Variants in PDE4D observed in about 807,000 individuals in gnomAD.
The protein encoded by PDE4D is phosphodiesterase 4D, also known as 3',5'-cyclic-AMP phosphodiesterase 4D.
A neutral mutation model predicts 87.4 loss-of-function variants in PDE4D; 24 were observed. The ratio of observed to expected loss-of-function variants is 0.27; its 90% CI spans 0.20 to 0.39. The LOEUF is 0.39. PDE4D is among the 10% of genes least tolerant of loss of function. The pLI is 1.00. For missense variants in PDE4D, 714 were observed against 1,041.0 expected (o/e 0.69, Z 4.32); for synonymous variants, 384 against 383.2 (o/e 1.00, Z -0.02).
chr5:59,110,242 A>C (rs948333054), intron 5 of PDE4D, among the ~76,000 whole-genome samples: 2 of 152,176 alleles, frequency 1.3e-5, no homozygotes, highest in Non-Finnish European at 2.9e-5. Flanking sequence ...GAATCAGCTT[A>C]CTCAGAGGCT....
intron 1 of PDE4D, among the ~76,000 whole-genome samples, chr5:59,504,908 G>A (rs961799457): frequency 1.7e-5 from 1 of 60,484 alleles, no homozygotes; most frequent in African/African-American, 5.6e-5. Flanking sequence ...GTATATGTGT[G>A]TGTGTGTGTG....
chr5:59,154,518 T>C (rs1399610117), intron 5 of PDE4D, among the ~76,000 whole-genome samples: 1 of 152,136 alleles, frequency 6.6e-6, no homozygotes, highest in Non-Finnish European at 1.5e-5. Context: ...GGTGAGTGCT[T>C]GAACTAGGGA....
At chr5:59,087,204 G>A (rs1422722951) in intron 5 of PDE4D, among the ~76,000 whole-genome samples, 2 of 152,104 alleles carry the variant, frequency 1.3e-5, no homozygotes, top group African/African-American at 2.4e-5. Flanking sequence ...AAAAAATAAG[G>A]CCAGATGTGG....
intron 2 of PDE4D, among the ~76,000 whole-genome samples, chr5:59,211,662 T>C (rs547330820): frequency 1.1e-4 from 17 of 152,200 alleles, no homozygotes; most frequent in Admixed American, 2.6e-4. Context: ...CATAACAATG[T>C]CCCTATCAAA....
At chr5:60,080,366 C>T (rs1477806710) in intron 2 of PDE4D, among the ~76,000 whole-genome samples, 1 of 152,124 alleles carries the variant, frequency 6.6e-6, no homozygotes, top group African/African-American at 2.4e-5. Flanking sequence ...TTTGATCACC[C>T]TTTCTTTCTT....
chr5:59,932,416 T>A (rs1756067111), intron 3 of PDE4D, among the ~76,000 whole-genome samples: 1 of 152,222 alleles, frequency 6.6e-6, no homozygotes, highest in Non-Finnish European at 1.5e-5. Flanking sequence ...ACTAATTTCA[T>A]ATGCACCATT....
chr5:59,245,581 T>A (rs1046845055), intron 1 of PDE4D, among the ~76,000 whole-genome samples: 3 of 152,110 alleles, frequency 2.0e-5, no homozygotes, highest in Non-Finnish European at 4.4e-5. Flanking sequence ...TCTTACCAAA[T>A]CAAAAACTTC....
At chr5:59,393,385 A>G (rs1477393776) in intron 1 of PDE4D, among the ~76,000 whole-genome samples, 2 of 152,228 alleles carry the variant, frequency 1.3e-5, no homozygotes, top group Non-Finnish European at 2.9e-5. Flanking sequence ...GATAAAAGAG[A>G]TGATTCCCAA....
intron 1 of PDE4D, chr5:59,560,876 T>G (rs1819861968): frequency 6.6e-6 from 1 of 152,204 alleles, no homozygotes; most frequent in Non-Finnish European, 1.5e-5. Context: ...AAAGGTCTTG[T>G]TGGAGAGTTT....
chr5:60,308,050 A>G (rs762697206), intron 1 of PDE4D, among the ~76,000 whole-genome samples: 4 of 152,190 alleles, frequency 2.6e-5, no homozygotes, highest in Non-Finnish European at 5.9e-5. Context: ...AAAACAAAAC[A>G]AAACAAAACA....
chr5:59,721,647 C>T (rs966789817), intron 1 of PDE4D, among the ~76,000 whole-genome samples: 14 of 151,944 alleles, frequency 9.2e-5, no homozygotes, highest in African/African-American at 3.4e-4. Context: ...TACCCTGCCC[C>T]CTAAAAATGC....
intron 1 of PDE4D, among the ~76,000 whole-genome samples, chr5:60,515,648 A>G (rs1168961216): frequency 1.4e-5 from 2 of 142,480 alleles, no homozygotes; most frequent in Non-Finnish European, 3.0e-5. Context: ...GCAGTGCCTC[A>G]AAATAAAACT....
intron 1 of PDE4D, among the ~76,000 whole-genome samples, chr5:60,437,776 G>T (rs1744876568): frequency 6.6e-6 from 1 of 152,044 alleles, no homozygotes; most frequent in Non-Finnish European, 1.5e-5. Context: ...TTTCTTTCTA[G>T]CTTCAGAAGC....
At chr5:60,122,310 A>C (rs1243963071) in intron 2 of PDE4D, among the ~76,000 whole-genome samples, 1 of 152,188 alleles carries the variant, frequency 6.6e-6, no homozygotes, top group Non-Finnish European at 1.5e-5. Context: ...TGGAGGCTCC[A>C]ACCCCACATT....
At chr5:59,793,160 G>A (rs1766020165) in intron 1 of PDE4D, among the ~76,000 whole-genome samples, 1 of 152,178 alleles carries the variant, frequency 6.6e-6, no homozygotes, top group Admixed American at 6.5e-5. Context: ...TGATTTCCAT[G>A]GGAGCAACAC....
intron 1 of PDE4D, among the ~76,000 whole-genome samples, chr5:60,364,502 C>T (rs1760355711): frequency 6.6e-6 from 1 of 152,018 alleles, no homozygotes; most frequent in African/African-American, 2.4e-5. Flanking sequence ...TAAATTAATA[C>T]ATTGTAAAAT....
chr5:60,455,309 T>A (rs1360877703), intron 1 of PDE4D, among the ~76,000 whole-genome samples: 1 of 152,178 alleles, frequency 6.6e-6, no homozygotes, highest in Non-Finnish European at 1.5e-5. Flanking sequence ...AGCCATCATA[T>A]GTTATCAATA....
chr5:59,966,879 A>G (rs532920654), intron 3 of PDE4D, among the ~76,000 whole-genome samples: 1 of 152,346 alleles, frequency 6.6e-6, no homozygotes, highest in East Asian at 1.9e-4. Flanking sequence ...TCCACTGTCA[A>G]GGCAGATTTT....
At position 58,975,491 on chromosome 5, in the gene PDE4D, T is replaced by A. The variant is rs1411210990; in HGVS notation, c.2013+166A>T. On this transcript the variant is annotated intron_variant, in intron 14 of 14. Transcript: ENST00000340635. The surrounding 1 kb of genome is among the most constrained non-coding windows in gnomAD (Gnocchi z 4.2). The stretch of plus-strand genomic sequence containing the variant: ...TATATGACTATATGAATGTAAGTCA[T>A]AAGAATGAAAGTTCTTTGGATCATA... Among the ~76,000 whole-genome samples, 2 of 152,242 alleles carry A rather than the reference T, an allele frequency of 1.3e-5. No individual in the cohort carries two copies. Among genetic ancestry groups the A allele is most frequent in the Non-Finnish European group, 2.9e-5 (2 of 68,036 alleles).
Sources: gnomAD v4.1 joint callset for allele counts (sites outside exome capture counted in the v4.1 genomes callset) on GRCh38, gnomAD v4.1.1 for gene constraint, Gnocchi (gnomAD v3.1) non-coding constraint, MANE v1.5 for transcripts, NCBI Gene and HGNC (gene_info 2026-07-23, HGNC 2026-07-21) for gene names.